The following SPATA1 variants were observed in gnomAD, a reference collection of about 807,000 sequenced individuals.
The protein encoded by SPATA1 is spermatogenesis-associated protein 1.
SPATA1 carries 57 observed loss-of-function variants against 59.6 expected under a neutral mutation model. The observed-to-expected ratio is 0.96, with a 90% CI of 0.77 to 1.19. The LOEUF is 1.19. Ranked by LOEUF, SPATA1 falls within the 50% of genes most tolerant of loss-of-function variation. The probability of loss-of-function intolerance (pLI) is 0.00; values close to 1 mark genes in which losing one functional copy is unlikely to be tolerated. For synonymous variants in SPATA1, 147 were observed against 163.9 expected (o/e 0.90, Z 0.79); for missense variants, 448 against 480.7 (o/e 0.93, Z 0.64).
At chr1:84,563,233 C>A in intron 4 of SPATA1, 2 of 1,403,794 alleles carry the variant, frequency 1.4e-6, no homozygotes, top group Non-Finnish European at 1.9e-6. Context: ...AGAATAAATG[C>A]TCATAACTTA....
intron 6 of SPATA1, 46 bp downstream of exon 6, chr1:84,526,119 C>T (rs1228638914): frequency 1.3e-6 from 2 of 1,496,278 alleles, no homozygotes; most frequent in East Asian, 2.4e-5. Flanking sequence ...TATTATAGTA[C>T]ATTTTAGCAG....
chr1:84,531,309 C>T (rs543102936), intron 6 of SPATA1, among the ~76,000 whole-genome samples: 2 of 151,434 alleles, frequency 1.3e-5, no homozygotes, highest in South Asian at 4.2e-4. Context: ...ATTACAGGCA[C>T]GTGCCACCAC....
chr1:84,531,498 A>G (rs1483567955), intron 6 of SPATA1, among the ~76,000 whole-genome samples: 1 of 151,394 alleles, frequency 6.6e-6, no homozygotes, highest in African/African-American at 2.4e-5. Context: ...TTTCAATACC[A>G]GGTGGGAAAT....
At chr1:84,507,504 T>C (rs966636418) in intron 1 of SPATA1, among the ~76,000 whole-genome samples, 1 of 152,224 alleles carries the variant, frequency 6.6e-6, no homozygotes, top group Non-Finnish European at 1.5e-5. Flanking sequence ...ATTATACAGC[T>C]TCGTAGAGTT....
intron 6 of SPATA1, among the ~76,000 whole-genome samples, chr1:84,527,304 A>G (rs1039027587): frequency 2.0e-5 from 3 of 152,056 alleles, no homozygotes; most frequent in African/African-American, 7.2e-5. Context: ...TTTTTTTCCT[A>G]TTGATTCTTA....
At chr1:84,535,503 T>C (rs974795545) in intron 8 of SPATA1, among the ~76,000 whole-genome samples, 5 of 152,190 alleles carry the variant, frequency 3.3e-5, no homozygotes, top group Non-Finnish European at 5.9e-5. Context: ...ATGTCACTAG[T>C]TTCTTTCAGC....
intron 11 of SPATA1, among the ~76,000 whole-genome samples, chr1:84,549,333 G>C (rs1395670894): frequency 6.6e-6 from 1 of 152,068 alleles, no homozygotes; most frequent in Non-Finnish European, 1.5e-5. Flanking sequence ...CTAGGTAAGG[G>C]ATCAACTAGG....
At chr1:84,508,293 AAAC>A (rs1327199907) in intron 1 of SPATA1, among the ~76,000 whole-genome samples, 115 of 152,142 alleles carry the variant, frequency 7.6e-4, no homozygotes, top group African/African-American at 2.7e-3. Context: ...AAAAAAAAAA[AAAC>A]AAAACCATTG....
chr1:84,553,942 G>T (rs1420236729), exon 13 of SPATA1: 1 of 152,070 alleles, frequency 6.6e-6, no homozygotes, highest in African/African-American at 2.4e-5. Context: ...GTATAAAATT[G>T]ATCTTTTAGA....
At chr1:84,528,173 A>G (rs1683310325) in intron 6 of SPATA1, among the ~76,000 whole-genome samples, 1 of 152,164 alleles carries the variant, frequency 6.6e-6, no homozygotes, top group Non-Finnish European at 1.5e-5. Flanking sequence ...AGTAGAGATA[A>G]CTACTACTTT....
downstream of SPATA1, among the ~76,000 whole-genome samples, chr1:84,566,402 G>C (rs887533905): frequency 6.6e-6 from 1 of 152,080 alleles, no homozygotes; most frequent in Non-Finnish European, 1.5e-5. Flanking sequence ...AAATACAAAA[G>C]TTTTTAAAAT....
chr1:84,520,330 A>G (rs1682970349), intron 2 of SPATA1: 2 of 335,474 alleles, frequency 6.0e-6, no homozygotes, highest in East Asian at 1.2e-4. Flanking sequence ...AAAAAACACC[A>G]TATGCCAAAG....
chr1:84,544,797 G>T (rs1467463916), intron 9 of SPATA1, among the ~76,000 whole-genome samples: 2 of 151,816 alleles, frequency 1.3e-5, no homozygotes, highest in Non-Finnish European at 2.9e-5. Context: ...CTGGCCTCAA[G>T]TGATCCACCC....
intron 1 of SPATA1, among the ~76,000 whole-genome samples, chr1:84,510,282 GA>G (rs1682479103): frequency 3.3e-5 from 5 of 152,210 alleles, no homozygotes; most frequent in African/African-American, 1.2e-4. Context: ...TTTATAACCA[GA>G]ATATATAAGG....
downstream of SPATA1, among the ~76,000 whole-genome samples, chr1:84,557,582 G>A (rs767903357): frequency 6.1e-5 from 9 of 148,074 alleles, no homozygotes; most frequent in Admixed American, 2.7e-4. Flanking sequence ...GAGGCTGGGC[G>A]CGGTGGCTCA....
At chr1:84,559,541 A>G (rs1684548065) in intron 4 of SPATA1, among the ~76,000 whole-genome samples, 1 of 151,960 alleles carries the variant, frequency 6.6e-6, no homozygotes, top group African/African-American at 2.4e-5. Context: ...AGACTCACTT[A>G]CACCTAGGAG....
upstream of SPATA1, chr1:84,506,393 T>G: frequency 3.9e-6 from 1 of 255,178 alleles, no homozygotes; most frequent in Non-Finnish European, 7.6e-6. Flanking sequence ...TTTCTTTTCC[T>G]CTCCAGAGGG....
chr1:84,559,448 A>G (rs1191156158), downstream of SPATA1, among the ~76,000 whole-genome samples: 1 of 151,922 alleles, frequency 6.6e-6, no homozygotes, highest in African/African-American at 2.4e-5. Context: ...TGGTGAAACC[A>G]CATCTCTACT....
intron 8 of SPATA1, among the ~76,000 whole-genome samples, chr1:84,542,592 T>G (rs1683950222): frequency 6.6e-6 from 1 of 152,196 alleles, no homozygotes; most frequent in African/African-American, 2.4e-5. Flanking sequence ...TTATGTACAG[T>G]GCTGACACAT....
Sources: gnomAD v4.1 joint callset for allele counts (sites outside exome capture counted in the v4.1 genomes callset) on GRCh38, gnomAD v4.1.1 for gene constraint, MANE v1.5 for transcripts, NCBI Gene and HGNC (gene_info 2026-07-23, HGNC 2026-07-21) for gene names.